FMNL2: variants seen among roughly 807,000 people sequenced by gnomAD.
The protein encoded by FMNL2 is formin like 2.
A neutral mutation model predicts 130.2 loss-of-function variants in FMNL2; 51 were observed. That is an observed-to-expected ratio of 0.39 (90% CI 0.31 to 0.49). The LOEUF is 0.49. Among genes scored for constraint, FMNL2 ranks in the 20% least tolerant of loss-of-function variants. The pLI is 0.85. For missense variants in FMNL2, 977 were observed against 1,316.2 expected (o/e 0.74, Z 3.99); for synonymous variants, 465 against 467.1 (o/e 1.00, Z 0.06).
At chr2:152,339,714 A>C (rs1183755559) in intron 1 of FMNL2, among the ~76,000 whole-genome samples, 1 of 152,144 alleles carries the variant, frequency 6.6e-6, no homozygotes, top group Non-Finnish European at 1.5e-5. Flanking sequence ...GATTAATTTG[A>C]GTCCATTTCC....
intron 17 of FMNL2, 53 bp from the exon 18 acceptor site, chr2:152,628,246 A>G: frequency 1.4e-6 from 2 of 1,469,848 alleles, no homozygotes; most frequent in Non-Finnish European, 1.9e-6. Flanking sequence ...GAACTTGAAA[A>G]GGGGGTAGGA....
At chr2:152,448,642 C>A (rs1035349139) in intron 1 of FMNL2, among the ~76,000 whole-genome samples, 1 of 152,178 alleles carries the variant, frequency 6.6e-6, no homozygotes, top group Non-Finnish European at 1.5e-5. Context: ...CTATCTGAAA[C>A]CAGATGCACT....
chr2:152,486,300 C>T (rs1385484535), intron 1 of FMNL2, among the ~76,000 whole-genome samples: 3 of 152,190 alleles, frequency 2.0e-5, no homozygotes, highest in Non-Finnish European at 4.4e-5. Context: ...TTCCTGCTAC[C>T]CTCTGTTAAA....
rs536679441 is a variant in FMNL2, at chr2:152,344,241, G to C, written c.117+8521G>C. Among the ~76,000 whole-genome samples the C allele has an allele frequency of 2.0e-5, 3 of 152,278 alleles. No homozygotes were observed. In the East Asian group the frequency reaches 5.8e-4, roughly 29 times the overall value. Reference sequence around the variant, plus strand: ...TAAATTTGTCTGGAATGTGACCTGGGCATCAGGATTTTTAAAAGCTCCCTA... The same window carrying C: ...TAAATTTGTCTGGAATGTGACCTGGCCATCAGGATTTTTAAAAGCTCCCTA... On this transcript the variant is annotated intron_variant, in intron 1 of 25. Coordinates refer to ENST00000288670, the MANE Select transcript of FMNL2 (RefSeq NM_052905.4).
chr2:152,387,509 TATAAA>T (rs1341959629), intron 1 of FMNL2, among the ~76,000 whole-genome samples: 1 of 152,246 alleles, frequency 6.6e-6, no homozygotes, highest in Non-Finnish European at 1.5e-5. Flanking sequence ...ATATAAAAGT[TATAAA>T]ATAATTATGA....
rs1028884255 is a variant in FMNL2 at position 152,647,829 on chromosome 2, C to G, written c.3203C>G (p.Ala1068Gly). ...LRNQPYRRAD[A>G]VRRSVRRRFD... The stretch of plus-strand genomic sequence containing the variant: ...AACCAACCATACAGACGAGCCGATG[C>G]GGTGAGGAGAAGCGTCAGGCGGCGC... The change falls in exon 26 of 26, where the codon GCG becomes GGG. Residue 1068 changes from alanine to glycine, a missense_variant. This residue lies in a region of FMNL2 where 168 missense variants were observed against 168.8 expected (regional missense o/e 1.00). Transcript: ENST00000288670. 2 of 1,613,756 alleles carry G rather than the reference C, an allele frequency of 1.2e-6. No homozygotes were observed. Among genetic ancestry groups the G allele is most frequent in the African/African-American group, 1.3e-5 (1 of 74,908 alleles).
At chr2:152,505,257 C>G (rs1157178749) in intron 1 of FMNL2, among the ~76,000 whole-genome samples, 1 of 151,950 alleles carries the variant, frequency 6.6e-6, no homozygotes, top group Admixed American at 6.6e-5. Context: ...GAAAACCAGC[C>G]ACTGGGTTTC....
In FMNL2 at chr2:152,627,182, T is replaced by C. The variant is rs184615641; in HGVS notation, c.2165+455T>C. Among the ~76,000 whole-genome samples the C allele has an allele frequency of 2.6e-5, 4 of 152,348 alleles. No homozygotes were observed. In the East Asian group the frequency reaches 7.7e-4, roughly 29 times the overall value. On this transcript the variant is annotated intron_variant, in intron 17 of 25. Coordinates refer to ENST00000288670, the MANE Select transcript of FMNL2 (RefSeq NM_052905.4). ...TACAAATTTGATGGCATTTGTGGAA[T>C]GATACAGTTCAATGCCAGATGCAAA...
intron 21 of FMNL2, among the ~76,000 whole-genome samples, chr2:152,632,347 T>C (rs902037574): frequency 6.6e-6 from 1 of 152,224 alleles, no homozygotes; most frequent in Non-Finnish European, 1.5e-5. Context: ...CTGTGTCCTT[T>C]CTGTAAGACA....
chr2:152,336,456 G>C (rs922887183), intron 1 of FMNL2, among the ~76,000 whole-genome samples: 2 of 152,148 alleles, frequency 1.3e-5, no homozygotes, highest in Admixed American at 6.5e-5. Context: ...CTGACTGCAC[G>C]GGCGACCCCT....
At chr2:152,518,675 GC>G (rs1282700457) in intron 1 of FMNL2, among the ~76,000 whole-genome samples, 1 of 152,048 alleles carries the variant, frequency 6.6e-6, no homozygotes, top group African/African-American at 2.4e-5. Flanking sequence ...ATCCTCCCCA[GC>G]CCTTAAGTCT....
At chr2:152,531,910 A>AGGGGTG (rs1482521524) in intron 2 of FMNL2, among the ~76,000 whole-genome samples, 1 of 152,182 alleles carries the variant, frequency 6.6e-6, no homozygotes, top group African/African-American at 2.4e-5. Flanking sequence ...GATGTGGTTT[A>AGGGGTG]GGGGTGAGGG....
At chr2:152,385,178 G>T (rs1267080706) in intron 1 of FMNL2, among the ~76,000 whole-genome samples, 2 of 152,184 alleles carry the variant, frequency 1.3e-5, no homozygotes, top group African/African-American at 4.8e-5. Flanking sequence ...GAACCATGAA[G>T]CAACTCTTTT....
In FMNL2 at chr2:152,375,877, C is replaced by CTATATATATATATA. The variant is rs61564333; in HGVS notation, c.117+40164_117+40177dup. On this transcript the variant is annotated intron_variant, in intron 1 of 25. Coordinates refer to ENST00000288670, the MANE Select transcript of FMNL2 (RefSeq NM_052905.4). Reference sequence around the variant, plus strand: ...TCTCTCTCTCTCTCTCTCTCTCTCTCTATATATATATATATATATAATTAT... The same window carrying CTATATATATATATA: ...TCTCTCTCTCTCTCTCTCTCTCTCTCTATATATATATATATATATATATATATATATATAATTAT... 1.6e-4 allele frequency among the ~76,000 whole-genome samples: 18 copies of CTATATATATATATA among 112,472 alleles called. No homozygotes were observed. In the East Asian group the frequency reaches 2.7e-3, roughly 17 times the overall value. The allele number at this position is 112,472 out of a possible 152,430, so 73.8% of individuals were successfully genotyped here.
intron 2 of FMNL2, among the ~76,000 whole-genome samples, chr2:152,532,775 T>G (rs1693779418): frequency 6.6e-6 from 1 of 151,930 alleles, no homozygotes; most frequent in Admixed American, 6.6e-5. Flanking sequence ...GCCCAGCTAA[T>G]TTTCGTATTT....
At chr2:152,573,300 A>C (rs1381213149) in intron 6 of FMNL2, among the ~76,000 whole-genome samples, 1 of 152,236 alleles carries the variant, frequency 6.6e-6, no homozygotes, top group Admixed American at 6.5e-5. Flanking sequence ...GGACTGAAGC[A>C]GAAAATGCTG....
chr2:152,348,893 G>A (rs1032325068), intron 1 of FMNL2, among the ~76,000 whole-genome samples: 2 of 136,746 alleles, frequency 1.5e-5, no homozygotes, highest in Non-Finnish European at 3.1e-5. Flanking sequence ...GGACTGCAGT[G>A]GCACAATCTC....
chr2:152,384,168 G>C (rs563986324), intron 1 of FMNL2, among the ~76,000 whole-genome samples: 1 of 152,306 alleles, frequency 6.6e-6, no homozygotes, highest in African/African-American at 2.4e-5. Flanking sequence ...TTCCAGGTGA[G>C]GAAACTGATT....
intron 2 of FMNL2, among the ~76,000 whole-genome samples, chr2:152,536,504 G>A (rs1694003058): frequency 6.6e-6 from 1 of 152,190 alleles, no homozygotes; most frequent in Non-Finnish European, 1.5e-5. Context: ...TTCAAGTGTA[G>A]TGACATTATG....
Sources: gnomAD v4.1 joint callset for allele counts (sites outside exome capture counted in the v4.1 genomes callset) on GRCh38, gnomAD v4.1.1 for gene constraint, gnomAD v4.1.1 regional missense constraint, MANE v1.5 for transcripts, NCBI Gene and HGNC (gene_info 2026-07-23, HGNC 2026-07-21) for gene names.